GAREM1: variants seen among roughly 807,000 people sequenced by gnomAD.
The protein encoded by GAREM1 is GRB2 associated regulator of MAPK1 subtype 1.
A neutral mutation model predicts 71.3 loss-of-function variants in GAREM1; 26 were observed. The ratio of observed to expected loss-of-function variants is 0.36; its 90% CI spans 0.27 to 0.51. The LOEUF is 0.51. Among genes scored for constraint, GAREM1 ranks in the 20% least tolerant of loss-of-function variants. The probability of loss-of-function intolerance (pLI) is 0.95; values close to 1 mark genes in which losing one functional copy is unlikely to be tolerated. For missense variants in GAREM1, 1,026 were observed against 1,103.1 expected, an observed-to-expected ratio of 0.93 and a Z score of 0.99; for synonymous variants, 440 against 433.2, an observed-to-expected ratio of 1.02 and a Z score of -0.20.
In GAREM1 at chr18:32,434,235, T is replaced by A. The variant is rs189382023; in HGVS notation, c.121+36073A>T. On this transcript the variant is annotated intron_variant, in intron 1 of 5. Transcript: ENST00000269209. Reference sequence around the variant, plus strand: ...AACCTTGTTGTGTTAGGTATCAGAGTTATACACTATGAACTCCTGAGTTCA... The same window carrying A: ...AACCTTGTTGTGTTAGGTATCAGAGATATACACTATGAACTCCTGAGTTCA... Among the ~76,000 whole-genome samples, 233 of 152,154 alleles carry A rather than the reference T, an allele frequency of 1.5e-3. 2 individuals carry two copies. The highest frequency in any genetic ancestry group is 7.7e-3 in the South Asian group (37 of 4,822).
chr18:32,307,473 T>C (rs900437404), intron 3 of GAREM1, among the ~76,000 whole-genome samples: 1 of 152,226 alleles, frequency 6.6e-6, no homozygotes, highest in African/African-American at 2.4e-5. Context: ...CCCATTTCTT[T>C]AACTCCTCCC....
intron 2 of GAREM1, among the ~76,000 whole-genome samples, chr18:32,391,552 T>C (rs1351580472): frequency 1.3e-5 from 2 of 152,184 alleles, no homozygotes; most frequent in Admixed American, 6.5e-5. Context: ...AATTTACCTT[T>C]CTTTCCAGTT....
chr18:32,339,597 G>A (rs1286353718), intron 2 of GAREM1, among the ~76,000 whole-genome samples: 1 of 152,156 alleles, frequency 6.6e-6, no homozygotes, highest in Non-Finnish European at 1.5e-5. Context: ...GCAGACCTGT[G>A]TCTTCTAAAT....
intron 1 of GAREM1, among the ~76,000 whole-genome samples, chr18:32,407,973 CTT>C (rs75877831): frequency 3.9e-4 from 58 of 149,548 alleles, no homozygotes; most frequent in East Asian, 2.8e-3. Context: ...AGAGTTTTGT[CTT>C]TTTTTTTTAA....
chr18:32,297,983 C>T (rs1296292424), intron 3 of GAREM1, among the ~76,000 whole-genome samples: 2 of 152,172 alleles, frequency 1.3e-5, no homozygotes, highest in East Asian at 3.8e-4. Context: ...TGAAGTACTG[C>T]ACAGGAAATG....
chr18:32,270,993 G>T (rs749393950), intron 4 of GAREM1, among the ~76,000 whole-genome samples: 13 of 138,306 alleles, frequency 9.4e-5, no homozygotes, highest in Non-Finnish European at 1.8e-4. Context: ...TGCAACCTCT[G>T]CTTCCTGGGC....
chr18:32,448,519 G>A (rs2048804458), intron 1 of GAREM1, among the ~76,000 whole-genome samples: 1 of 152,168 alleles, frequency 6.6e-6, no homozygotes, highest in Admixed American at 6.5e-5. Context: ...CTCAGTTACA[G>A]GAAAGGGTTT....
intron 2 of GAREM1, among the ~76,000 whole-genome samples, chr18:32,341,694 G>A (rs1014256672): frequency 6.6e-6 from 1 of 152,126 alleles, no homozygotes; most frequent in Admixed American, 6.6e-5. Context: ...TTCTGTTTTT[G>A]GAAGATCGTC....
At position 32,304,812 on chromosome 18, in the gene GAREM1, G is replaced by A. The variant is rs547549799; in HGVS notation, c.393+5381C>T. On this transcript the variant is annotated intron_variant, in intron 3 of 5. Transcript: ENST00000269209. ...GAACTCACCCCTGAGTTCAGAGCCT[G>A]AGCCACTCTACAGTCCAACTCACTC... Among the ~76,000 whole-genome samples, 11 of 152,288 alleles carry A rather than the reference G, an allele frequency of 7.2e-5. No individual in the cohort carries two copies. In the South Asian group the frequency reaches 2.3e-3, roughly 32 times the overall value.
chr18:32,291,245 T>C (rs770182013), intron 3 of GAREM1, among the ~76,000 whole-genome samples: 2 of 147,704 alleles, frequency 1.4e-5, no homozygotes, highest in Non-Finnish European at 3.0e-5. Flanking sequence ...AAAAAGTTTA[T>C]ACAGTATACT....
In GAREM1 at chr18:32,360,771, G is replaced by C. The variant is rs186856265; in HGVS notation, c.262+32124C>G. ...TGAAATTTCCATAACTTATTCCAGA[G>C]ATTTGTTAATATCTTTCATTTTCTG... On this transcript the variant is annotated intron_variant, in intron 2 of 5. Coordinates refer to ENST00000269209, the MANE Select transcript of GAREM1 (RefSeq NM_001242409.2). Among the ~76,000 whole-genome samples, 35 of 152,184 alleles carry C rather than the reference G, an allele frequency of 2.3e-4. 2 individuals carry two copies. The highest frequency in any genetic ancestry group is 2.2e-3 in the Admixed American group (33 of 15,278).
chr18:32,364,016 A>T lies in GAREM1; in HGVS notation c.262+28879T>A, dbSNP rs866314070. 5.0e-3 allele frequency among the ~76,000 whole-genome samples: 243 copies of T among 49,074 alleles called. 8 individuals carry two copies. Among genetic ancestry groups the T allele is most frequent in the African/African-American group, 0.02 (166 of 8,116 alleles). The allele number at this position is 49,074 out of a possible 152,430, so 32.2% of individuals were successfully genotyped here. On this transcript the variant is annotated intron_variant, in intron 2 of 5. Coordinates refer to ENST00000269209, the MANE Select transcript of GAREM1 (RefSeq NM_001242409.2). ...TATACATATATATATATATATATAT[A>T]TATATATATATGTTTTTTTTTTTTT...
chr18:32,454,416 AAT>A (rs957935810), intron 1 of GAREM1, among the ~76,000 whole-genome samples: 3 of 152,262 alleles, frequency 2.0e-5, no homozygotes, highest in Admixed American at 6.5e-5. Flanking sequence ...GAATCAATGA[AAT>A]ATGTTAATTT....
intron 2 of GAREM1, among the ~76,000 whole-genome samples, chr18:32,338,546 G>A (rs893720177): frequency 2.0e-5 from 3 of 152,082 alleles, no homozygotes; most frequent in Admixed American, 6.5e-5. Flanking sequence ...GAGACAAAAT[G>A]AAAAAACCAT....
intron 1 of GAREM1, among the ~76,000 whole-genome samples, chr18:32,404,186 G>A (rs2048344335): frequency 1.3e-5 from 2 of 152,152 alleles, no homozygotes; most frequent in African/African-American, 4.8e-5. Context: ...AAGCACCCTT[G>A]TGAATTACTT....
At chr18:32,321,479 C>A (rs1218660009) in intron 2 of GAREM1, among the ~76,000 whole-genome samples, 1 of 152,180 alleles carries the variant, frequency 6.6e-6, no homozygotes. Flanking sequence ...CAAGGACCAC[C>A]TATGTAAGTT....
At chr18:32,384,380 C>T (rs192502454) in intron 2 of GAREM1, among the ~76,000 whole-genome samples, 2 of 152,186 alleles carry the variant, frequency 1.3e-5, no homozygotes, top group African/African-American at 2.4e-5. Flanking sequence ...AGGATGGAGG[C>T]AGAGTGGTTT....
chr18:32,326,242 G>C (rs1467610994), intron 2 of GAREM1, among the ~76,000 whole-genome samples: 2 of 152,170 alleles, frequency 1.3e-5, no homozygotes, highest in African/African-American at 4.8e-5. Flanking sequence ...TAGAGACTGG[G>C]AAATAACAAG....
At chr18:32,419,214 C>A (rs2048496708) in intron 1 of GAREM1, among the ~76,000 whole-genome samples, 1 of 152,176 alleles carries the variant, frequency 6.6e-6, no homozygotes, top group African/African-American at 2.4e-5. Context: ...ATATCTCTGA[C>A]TTTCTCTTCT....
Sources: gnomAD v4.1 joint callset for allele counts (sites outside exome capture counted in the v4.1 genomes callset) on GRCh38, gnomAD v4.1.1 for gene constraint, MANE v1.5 for transcripts, NCBI Gene and HGNC (gene_info 2026-07-23, HGNC 2026-07-21) for gene names.